Variants in CENPE observed in about 807,000 individuals in gnomAD.
CENPE encodes the protein centromere protein E.
In CENPE, 145 loss-of-function variants were observed where a neutral mutation model predicts 336.1. That is an observed-to-expected ratio of 0.43 (90% CI 0.38 to 0.50). CENPE has a LOEUF of 0.50. CENPE is among the 20% of genes least tolerant of loss of function. The pLI, the probability that CENPE is intolerant of heterozygous loss-of-function variation, is 0.00. For missense variants in CENPE, 2,719 were observed against 3,023.3 expected, an observed-to-expected ratio of 0.90 and a Z score of 2.36; for synonymous variants, 1,013 against 984.8, an observed-to-expected ratio of 1.03 and a Z score of -0.54.
intron 8 of CENPE, among the ~76,000 whole-genome samples, chr4:103,189,655 G>C (rs1284221287): frequency 6.6e-6 from 1 of 152,146 alleles, no homozygotes; most frequent in Non-Finnish European, 1.5e-5. Flanking sequence ...AATAATAACA[G>C]CTATCTATGA....
intron 5 of CENPE, 66 bp downstream of exon 5, chr4:103,195,048 A>C: frequency 1.4e-6 from 2 of 1,387,296 alleles, no homozygotes; most frequent in Non-Finnish European, 1.9e-6. Flanking sequence ...ATTAAAGGTA[A>C]ACATTCAAGA....
intron 18 of CENPE, among the ~76,000 whole-genome samples, chr4:103,162,574 A>AT (rs34476047): frequency 1.8e-3 from 263 of 145,950 alleles, no homozygotes; most frequent in South Asian, 7.8e-3. Context: ...AATTTTACTG[A>AT]TTTTTTTTTT....
At chr4:103,178,017 G>GC (rs1457690905) in intron 13 of CENPE, among the ~76,000 whole-genome samples, 1 of 149,102 alleles carries the variant, frequency 6.7e-6, no homozygotes, top group African/African-American at 2.5e-5. Context: ...GGGCTATTTA[G>GC]CTCTGTTCCC....
chr4:103,196,927 C>T (rs1258459745), intron 1 of CENPE, 77 bp from the exon 2 acceptor site: 1 of 723,818 alleles, frequency 1.4e-6, no homozygotes, highest in Non-Finnish European at 2.5e-6. Context: ...AAGATTTCAC[C>T]TGCTAAAGAA....
intron 8 of CENPE, among the ~76,000 whole-genome samples, chr4:103,189,592 C>T (rs1318913739): frequency 2.0e-5 from 3 of 152,274 alleles, no homozygotes; most frequent in East Asian, 3.9e-4. Context: ...AATTCAACAA[C>T]ACTTCATGCT....
At chr4:103,111,071 A>C (rs1415206790) in intron 46 of CENPE, 60 bp from the exon 47 acceptor site, 2 of 1,241,390 alleles carry the variant, frequency 1.6e-6, no homozygotes, top group Admixed American at 2.3e-5. Context: ...GTTCAAAATA[A>C]AGGAAATACT....
chr4:103,108,742 T>C, intron 48 of CENPE, 61 bp downstream of exon 48: 4 of 1,459,500 alleles, frequency 2.7e-6, no homozygotes, highest in Non-Finnish European at 3.7e-6. Flanking sequence ...TGGGATCACA[T>C]ATTAATGATA....
At chr4:103,131,038 G>T (rs925421959) in intron 42 of CENPE, among the ~76,000 whole-genome samples, 2 of 152,040 alleles carry the variant, frequency 1.3e-5, no homozygotes, top group Non-Finnish European at 2.9e-5. Flanking sequence ...TGGGTTTGGT[G>T]ATATTTTAGA....
At chr4:103,133,559 T>G in intron 41 of CENPE, 136 bp downstream of exon 41, 1 of 655,850 alleles carries the variant, frequency 1.5e-6, no homozygotes, top group East Asian at 2.8e-5. Context: ...CCAGTCTTTA[T>G]GTCTGGCCAG....
intron 28 of CENPE, among the ~76,000 whole-genome samples, 165 bp downstream of exon 28, chr4:103,148,679 T>C (rs577821578): frequency 6.6e-6 from 1 of 152,356 alleles, no homozygotes; most frequent in South Asian, 2.1e-4. Flanking sequence ...CTTGTTCTCA[T>C]TGCATTTCTA....
Position 103,145,513 on chromosome 4 carries a change from C to T in CENPE, c.4572+10G>A. On this transcript the variant is annotated intron_variant, in intron 31 of 48. Coordinates refer to ENST00000265148, the MANE Select transcript of CENPE (RefSeq NM_001813.3). ...CATTTCCTCCCACTGTTTCTTCATC[C>T]CCAATTTACCTTGTTCTGTAATTTA... 1 of 1,591,916 alleles carries T rather than the reference C, an allele frequency of 6.3e-7. No homozygotes were observed. Among genetic ancestry groups the T allele is most frequent in the South Asian group, 1.2e-5 (1 of 86,186 alleles).
At chr4:103,113,213 T>A (rs989558263) in intron 46 of CENPE, among the ~76,000 whole-genome samples, 1 of 138,738 alleles carries the variant, frequency 7.2e-6, no homozygotes, top group Non-Finnish European at 1.5e-5. Context: ...AGTGTATATA[T>A]ATACTTTTAA....
At chr4:103,112,365 A>C (rs1196569531) in intron 46 of CENPE, among the ~76,000 whole-genome samples, 1 of 147,188 alleles carries the variant, frequency 6.8e-6, no homozygotes, top group Non-Finnish European at 1.5e-5. Context: ...ATATGTAAGT[A>C]TATACACATA....
At chr4:103,150,610 G>GA (rs746304416) in intron 26 of CENPE, among the ~76,000 whole-genome samples, 4 of 151,758 alleles carry the variant, frequency 2.6e-5, no homozygotes, top group Non-Finnish European at 5.9e-5. Flanking sequence ...AAAGAAAAAA[G>GA]AAAAAATATT....
intron 8 of CENPE, among the ~76,000 whole-genome samples, chr4:103,188,944 A>G (rs1477161622): frequency 6.6e-6 from 1 of 152,222 alleles, no homozygotes; most frequent in Non-Finnish European, 1.5e-5. Flanking sequence ...GACCCAATAA[A>G]AAATGATAAA....
At chr4:103,185,743 G>C (rs1756713443) in intron 9 of CENPE, 67 bp downstream of exon 9, 3 of 964,574 alleles carry the variant, frequency 3.1e-6, no homozygotes, top group Non-Finnish European at 4.7e-6. Context: ...AAAATGCCTG[G>C]TAGTACTTTT....
Position 103,139,810 on chromosome 4 carries a change from G to C in CENPE, c.6183C>G (p.Thr2061=), listed in dbSNP as rs759819890. 1.9e-6 allele frequency: 3 copies of C among 1,609,976 alleles called. No individual in the cohort carries two copies. The highest frequency in any genetic ancestry group is 1.1e-5 in the South Asian group (1 of 90,168). Residue 2061 remains threonine (T), a synonymous_variant, in exon 38 of 49, where the codon ACC becomes ACG. Transcript: ENST00000265148. ...LKMERDQFIA[T]LREMIARDRQ... is the part of the protein sequence containing the mutation. ...TCACTCTAGCTATCATTTCCCTTAA[G>C]GTTGCTATGAATTGGTCCCTTTCCA...
chr4:103,142,676 A>T (rs1013429692), intron 34 of CENPE, among the ~76,000 whole-genome samples: 29 of 151,994 alleles, frequency 1.9e-4, no homozygotes, highest in Admixed American at 1.6e-3. Context: ...TCTTTAACTG[A>T]CCTGTTTGAT....
intron 8 of CENPE, 31 bp downstream of exon 8, chr4:103,194,198 C>T: frequency 6.4e-7 from 1 of 1,562,842 alleles, no homozygotes. Flanking sequence ...TTGGCCCATA[C>T]AGTACATTAT....
Sources: allele counts gnomAD v4.1 joint callset (sites outside exome capture counted in the v4.1 genomes callset), GRCh38; gene constraint gnomAD v4.1.1; transcripts MANE v1.5; gene names NCBI Gene and HGNC (gene_info 2026-07-23, HGNC 2026-07-21).